The following LPIN1 variants were observed in gnomAD, a reference collection of about 807,000 sequenced individuals.
LPIN1 encodes the protein lipin 1.
LPIN1 carries 71 observed loss-of-function variants against 107.5 expected under a neutral mutation model. That is an observed-to-expected ratio of 0.66 (90% CI 0.55 to 0.80). The LOEUF (loss-of-function observed/expected upper bound fraction) is 0.80, where lower values mean the gene tolerates loss of function less well. Ranked by LOEUF, LPIN1 falls within the 30% of genes least tolerant of loss-of-function variation. LPIN1 has a pLI of 0.00. For synonymous variants in LPIN1, 445 were observed against 452.6 expected, an observed-to-expected ratio of 0.98 and a Z score of 0.21; for missense variants, 1,043 against 1,160.6, an observed-to-expected ratio of 0.90 and a Z score of 1.47.
intron 5 of LPIN1, among the ~76,000 whole-genome samples, chr2:11,775,329 C>G (rs959913225): frequency 1.3e-5 from 2 of 151,920 alleles, no homozygotes; most frequent in African/African-American, 4.8e-5. Flanking sequence ...ATTTAGAACC[C>G]AATAATAGAT....
chr2:11,811,529 A>G (rs1679649447), intron 17 of LPIN1, among the ~76,000 whole-genome samples: 1 of 152,238 alleles, frequency 6.6e-6, no homozygotes, highest in African/African-American at 2.4e-5. Flanking sequence ...GCATGGCCCA[A>G]CTGTGAAATA....
chr2:11,822,601 G>A (rs1442371429), intron 20 of LPIN1, among the ~76,000 whole-genome samples: 3 of 152,180 alleles, frequency 2.0e-5, no homozygotes, highest in Non-Finnish European at 4.4e-5. Context: ...GATCTCATGC[G>A]ACTTTATCAC....
chr2:11,815,399 C>T (rs966677734), intron 18 of LPIN1, among the ~76,000 whole-genome samples, 159 bp downstream of exon 18: 1 of 152,256 alleles, frequency 6.6e-6, no homozygotes, highest in African/African-American at 2.4e-5. Flanking sequence ...CACAGGTCTA[C>T]ACCTGCATTG....
intron 7 of LPIN1, among the ~76,000 whole-genome samples, chr2:11,781,571 T>C (rs1473276): frequency 0.98 from 149,821 of 152,370 alleles, 73,690 homozygotes; most frequent in Middle Eastern, 1. Context: ...TTCTCACTCA[T>C]GTGAACCAAC....
rs1681327763 is a variant in LPIN1 at position 11,820,517 on chromosome 2, G to A, written c.2621+3G>A. On this transcript the variant is annotated splice_donor_region_variant and intron_variant, in intron 20 of 20. Transcript: ENST00000674199. ...CATGCAAAGACCAACATCTCTTCGT[G>A]AGTATTGTACACATTTTATGTGATT... is the stretch of plus-strand genomic sequence containing the variant. 4.4e-6 allele frequency: 7 copies of A among 1,592,240 alleles called. No individual in the cohort carries two copies. Among genetic ancestry groups the A allele is most frequent in the Middle Eastern group, 1.7e-4 (1 of 6,022 alleles).
intron 1 of LPIN1, among the ~76,000 whole-genome samples, chr2:11,705,645 G>C (rs1663088497): frequency 6.6e-6 from 1 of 152,166 alleles, no homozygotes; most frequent in African/African-American, 2.4e-5. Context: ...GCTGGATGTA[G>C]TAAGCTGAAT....
chr2:11,722,697 C>T (rs1046475715), upstream of LPIN1, among the ~76,000 whole-genome samples: 1 of 152,158 alleles, frequency 6.6e-6, no homozygotes, highest in East Asian at 1.9e-4. Flanking sequence ...CAGTAACACC[C>T]CTTTCAGTCT....
At chr2:11,713,200 G>A (rs538525431) in intron 1 of LPIN1, among the ~76,000 whole-genome samples, 1 of 152,194 alleles carries the variant, frequency 6.6e-6, no homozygotes, top group Non-Finnish European at 1.5e-5. Flanking sequence ...GAGACAGGGA[G>A]TTTCCAACCT....
At chr2:11,714,266 TC>T (rs1390974061) in intron 2 of LPIN1, among the ~76,000 whole-genome samples, 1 of 152,186 alleles carries the variant, frequency 6.6e-6, no homozygotes, top group Non-Finnish European at 1.5e-5. Context: ...TGCCTCTTCC[TC>T]CCACCGCAGC....
chr2:11,793,721 C>T (rs918818387), intron 13 of LPIN1, among the ~76,000 whole-genome samples: 7 of 152,198 alleles, frequency 4.6e-5, no homozygotes, highest in African/African-American at 1.7e-4. Context: ...GCAGATGAGT[C>T]TGGTCTGCTG....
intron 20 of LPIN1, among the ~76,000 whole-genome samples, chr2:11,821,492 G>C (rs1264924212): frequency 1.3e-5 from 2 of 152,126 alleles, no homozygotes; most frequent in Non-Finnish European, 2.9e-5. Flanking sequence ...ACTCCAGCCT[G>C]GGCGACAGAG....
chr2:11,792,292 G>T, intron 13 of LPIN1: 1 of 313,014 alleles, frequency 3.2e-6, no homozygotes, highest in East Asian at 6.4e-5. Flanking sequence ...ATAAAAGAAG[G>T]GATTCAGCCT....
At chr2:11,706,687 G>A (rs1256520620) in intron 1 of LPIN1, among the ~76,000 whole-genome samples, 1 of 152,204 alleles carries the variant, frequency 6.6e-6, no homozygotes, top group Non-Finnish European at 1.5e-5. Context: ...CAATTCCCTT[G>A]AGTATGAATT....
At chr2:11,745,152 C>T (rs1290313948), upstream of LPIN1, 1 of 152,342 alleles carries the variant, frequency 6.6e-6, no homozygotes, top group Non-Finnish European at 1.5e-5. Flanking sequence ...GTTCCATCTC[C>T]ACACTGAGAC....
In LPIN1 at chr2:11,771,539, A is replaced by G. The variant is rs751443106; in HGVS notation, c.456A>G (p.Val152=). ...PSETPSSSSV[V]KKRRKRRRKS... ...AGACGCCGTCAAGCAGCTCTGTAGTAAAGAAGAGAAGAAAAAGGAGGAGAA... is the reference window on the plus strand; with the variant it reads ...AGACGCCGTCAAGCAGCTCTGTAGTGAAGAAGAGAAGAAAAAGGAGGAGAA... The change falls in exon 4 of 21, where the codon GTA becomes GTG. Residue 152 remains valine, a synonymous_variant. Transcript: ENST00000674199. This position sits in a 1 kb window ranked among gnomAD's most constrained non-coding sequence, Gnocchi z 4.8. 2 of 1,614,142 alleles carry G rather than the reference A, an allele frequency of 1.2e-6. No individual in the cohort carries two copies. Among genetic ancestry groups the G allele is most frequent in the African/African-American group, 1.3e-5 (1 of 75,040 alleles).
upstream of LPIN1, among the ~76,000 whole-genome samples, chr2:11,723,277 T>C (rs1022880038): frequency 6.6e-6 from 1 of 152,208 alleles, no homozygotes; most frequent in Admixed American, 6.5e-5. Flanking sequence ...TTCCTGAATG[T>C]AGAGATTTGG....
intron 1 of LPIN1, among the ~76,000 whole-genome samples, chr2:11,683,503 C>G (rs1661834532): frequency 6.6e-6 from 1 of 152,110 alleles, no homozygotes; most frequent in Non-Finnish European, 1.5e-5. Context: ...AGCAGATGGC[C>G]TGGAGTTGAA....
At chr2:11,773,919 C>A (rs1672268269) in intron 5 of LPIN1, among the ~76,000 whole-genome samples, 174 bp downstream of exon 5, 1 of 152,236 alleles carries the variant, frequency 6.6e-6, no homozygotes, top group Admixed American at 6.5e-5. Context: ...ATGTTCAGAT[C>A]ATACACTTAT....
At position 11,811,002 on chromosome 2, in the gene LPIN1, C is replaced by G. The variant is rs184342322; in HGVS notation, c.2250-4086C>G. ...TTTCTCCAGAGCCCTGTTCCAGTTGCTGAGAATGCTAGAGGAACAGGGGTG... is the reference window on the plus strand; with the variant it reads ...TTTCTCCAGAGCCCTGTTCCAGTTGGTGAGAATGCTAGAGGAACAGGGGTG... On this transcript the variant is annotated intron_variant, in intron 17 of 20. Transcript: ENST00000674199. Among the ~76,000 whole-genome samples, 723 of 152,062 alleles carry G rather than the reference C, an allele frequency of 4.8e-3. 6 individuals carry two copies. The highest frequency in any genetic ancestry group is 0.023 in the South Asian group (109 of 4,814).
Sources: gnomAD v4.1 joint callset for allele counts (sites outside exome capture counted in the v4.1 genomes callset) on GRCh38, gnomAD v4.1.1 for gene constraint, Gnocchi (gnomAD v3.1) non-coding constraint, MANE v1.5 for transcripts, NCBI Gene and HGNC (gene_info 2026-07-23, HGNC 2026-07-21) for gene names.